LINGO2: variants seen among roughly 807,000 people sequenced by gnomAD.
The protein encoded by LINGO2 is leucine-rich repeat and immunoglobulin-like domain-containing nogo receptor-interacting protein 2.
A neutral mutation model predicts 30.6 loss-of-function variants in LINGO2; 14 were observed. That is an observed-to-expected ratio of 0.46 (90% CI 0.30 to 0.72). LINGO2 has a LOEUF of 0.72. LINGO2 is among the 30% of genes least tolerant of loss of function. LINGO2 has a pLI of 0.07. For synonymous variants in LINGO2, 317 were observed against 288.5 expected, an observed-to-expected ratio of 1.10 and a Z score of -1.00; for missense variants, 729 against 751.7, an observed-to-expected ratio of 0.97 and a Z score of 0.35.
chr9:27,995,505 G>T (rs898221821), intron 5 of LINGO2, among the ~76,000 whole-genome samples: 1 of 151,980 alleles, frequency 6.6e-6, no homozygotes, highest in Non-Finnish European at 1.5e-5. Context: ...AAACCAAATT[G>T]AACAACACAT....
the LINGO2 span, among the ~76,000 whole-genome samples, chr9:29,110,157 T>C: frequency 4.6e-5 from 7 of 152,224 alleles, no homozygotes; most frequent in Admixed American, 2.6e-4. Flanking sequence ...TTGGATACTT[T>C]AGAAATATTT....
At chr9:28,742,722 A>G in the LINGO2 span, among the ~76,000 whole-genome samples, 1 of 151,880 alleles carries the variant, frequency 6.6e-6, no homozygotes, top group Admixed American at 6.6e-5. Flanking sequence ...TGTTAGTTAC[A>G]TTCACTTTTT....
At position 28,331,423 on chromosome 9, in the gene LINGO2, A is replaced by T. The variant is rs145126113; in HGVS notation, c.-245-36057T>A. Among the ~76,000 whole-genome samples the T allele has an allele frequency of 6.4e-3, 973 of 152,268 alleles. 14 individuals are homozygous for T. Among genetic ancestry groups the T allele is most frequent in the South Asian group, 0.051 (244 of 4,818 alleles). ...TCACTTCTAGAAACTGGGCCCTAAG[A>T]TATGCAAAGTAAATCTCTCAAAACA... On this transcript the variant is annotated intron_variant, in intron 3 of 5. Coordinates refer to ENST00000379992, the Ensembl canonical transcript of LINGO2.
At chr9:28,082,601 A>G (rs1825803621) in intron 4 of LINGO2, among the ~76,000 whole-genome samples, 1 of 152,148 alleles carries the variant, frequency 6.6e-6, no homozygotes, top group African/African-American at 2.4e-5. Context: ...GGCTTTGAAA[A>G]CTTTAAACTG....
intron 2 of LINGO2, among the ~76,000 whole-genome samples, chr9:28,435,626 A>G (rs189729379): frequency 6.6e-6 from 1 of 152,296 alleles, no homozygotes; most frequent in Non-Finnish European, 1.5e-5. Context: ...GGTTACTGGA[A>G]TGCAGGCTTA....
the LINGO2 span, among the ~76,000 whole-genome samples, chr9:28,964,647 C>T: frequency 3.3e-5 from 5 of 151,904 alleles, no homozygotes; most frequent in African/African-American, 1.2e-4. Flanking sequence ...ACCAGAAAGG[C>T]AACCAGTTAG....
exon 6 of LINGO2, chr9:27,950,460 C>A (rs376001180): frequency 6.2e-7 from 1 of 1,608,116 alleles, no homozygotes; most frequent in Non-Finnish European, 8.5e-7. Context: ...AGGGTTGACG[C>A]TTTTTAGCCT....
intron 4 of LINGO2, among the ~76,000 whole-genome samples, chr9:28,232,819 G>A (rs1159583533): frequency 2.6e-5 from 4 of 151,202 alleles, no homozygotes; most frequent in African/African-American, 9.7e-5. Flanking sequence ...CTATTAGCTT[G>A]ACTTCTTGCA....
intron 5 of LINGO2, among the ~76,000 whole-genome samples, chr9:27,951,720 G>A (rs1248729281): frequency 5.3e-5 from 8 of 151,966 alleles, no homozygotes; most frequent in Non-Finnish European, 8.8e-5. Context: ...CTTTATCCAC[G>A]AACACCATAT....
the LINGO2 span, among the ~76,000 whole-genome samples, chr9:29,058,872 GA>G: frequency 6.6e-6 from 1 of 151,800 alleles, no homozygotes. Flanking sequence ...AAAAATACCT[GA>G]AAAAATTGAC....
At chr9:29,075,127 T>C in the LINGO2 span, among the ~76,000 whole-genome samples, 3 of 152,210 alleles carry the variant, frequency 2.0e-5, no homozygotes, top group African/African-American at 7.2e-5. Context: ...AATTGTGATT[T>C]AAGATTACTT....
chr9:28,381,528 T>C (rs1187474112), intron 2 of LINGO2, among the ~76,000 whole-genome samples: 1 of 152,146 alleles, frequency 6.6e-6, no homozygotes, highest in Non-Finnish European at 1.5e-5. Flanking sequence ...CTGGAATGTA[T>C]ATGCCAACAC....
chr9:29,095,836 T>A, the LINGO2 span, among the ~76,000 whole-genome samples: 1 of 138,732 alleles, frequency 7.2e-6, no homozygotes, highest in Non-Finnish European at 1.6e-5. Context: ...GTAACAAACC[T>A]TTCTTTGGGA....
intron 1 of LINGO2, among the ~76,000 whole-genome samples, chr9:28,492,176 A>T (rs770909389): frequency 6.6e-6 from 1 of 152,196 alleles, no homozygotes; most frequent in Admixed American, 6.5e-5. Context: ...AATGCTCCAC[A>T]CAGAACTAAA....
intron 4 of LINGO2, among the ~76,000 whole-genome samples, chr9:28,172,488 C>T (rs1487610274): frequency 2.0e-5 from 3 of 151,978 alleles, no homozygotes; most frequent in East Asian, 3.9e-4. Flanking sequence ...AAGAAAATAT[C>T]GTTATTGTCA....
chr9:28,126,276 A>AC (rs1268009833), intron 4 of LINGO2, among the ~76,000 whole-genome samples: 1 of 152,150 alleles, frequency 6.6e-6, no homozygotes, highest in Non-Finnish European at 1.5e-5. Context: ...AAAACATAAA[A>AC]CCTAGAATAA....
At chr9:28,809,100 A>G in the LINGO2 span, among the ~76,000 whole-genome samples, 1 of 152,344 alleles carries the variant, frequency 6.6e-6, no homozygotes, top group Non-Finnish European at 1.5e-5. Flanking sequence ...CTTTTCTTTA[A>G]TTAAAACTAA....
At chr9:28,411,606 T>C (rs944743639) in intron 2 of LINGO2, among the ~76,000 whole-genome samples, 3 of 152,288 alleles carry the variant, frequency 2.0e-5, no homozygotes, top group East Asian at 1.9e-4. Context: ...ATTACCTTCC[T>C]TTTTGTAGCC....
intron 2 of LINGO2, among the ~76,000 whole-genome samples, chr9:28,420,851 T>C (rs1420660051): frequency 1.3e-5 from 2 of 152,102 alleles, no homozygotes; most frequent in African/African-American, 4.8e-5. Flanking sequence ...TATTCATCAT[T>C]CTTTTGTGGC....
Sources: allele counts gnomAD v4.1 joint callset (sites outside exome capture counted in the v4.1 genomes callset), GRCh38; gene constraint gnomAD v4.1.1; transcripts MANE v1.5; gene names NCBI Gene and HGNC (gene_info 2026-07-23, HGNC 2026-07-21).